CDH12: variants seen among roughly 807,000 people sequenced by gnomAD.
The protein encoded by CDH12 is cadherin 12.
In CDH12, 41 loss-of-function variants were observed where a neutral mutation model predicts 74.1. The ratio of observed to expected loss-of-function variants is 0.55; its 90% confidence interval spans 0.43 to 0.72. The LOEUF is 0.72. CDH12 is among the 30% of genes least tolerant of loss of function. The pLI is 0.00. For synonymous variants in CDH12, 399 were observed against 355.0 expected (o/e 1.12, Z -1.39); for missense variants, 945 against 977.2 (o/e 0.97, Z 0.44).
At chr5:21,869,824 AT>A (rs1460390765) in intron 6 of CDH12, among the ~76,000 whole-genome samples, 2 of 152,062 alleles carry the variant, frequency 1.3e-5, no homozygotes, top group African/African-American at 4.8e-5. Context: ...TAAGGGTTGG[AT>A]TTGTGATGGT....
At chr5:22,372,976 C>T (rs1741362587) in intron 3 of CDH12, among the ~76,000 whole-genome samples, 1 of 152,146 alleles carries the variant, frequency 6.6e-6, no homozygotes, top group Admixed American at 6.5e-5. Flanking sequence ...TGCAAGCAGC[C>T]CTGCCATCCC....
intron 4 of CDH12, among the ~76,000 whole-genome samples, chr5:22,093,695 G>A (rs1441820648): frequency 6.6e-6 from 1 of 152,070 alleles, no homozygotes; most frequent in Admixed American, 6.6e-5. Flanking sequence ...TCATATTGTG[G>A]TGATGGTTGC....
At chr5:22,583,249 A>G (rs544150414) in intron 1 of CDH12, among the ~76,000 whole-genome samples, 1 of 152,328 alleles carries the variant, frequency 6.6e-6, no homozygotes, top group African/African-American at 2.4e-5. Flanking sequence ...CAGTGAAGAC[A>G]TAGAAACTAT....
chr5:22,033,289 T>C (rs1223391662), intron 5 of CDH12, among the ~76,000 whole-genome samples: 3 of 152,188 alleles, frequency 2.0e-5, no homozygotes, highest in Non-Finnish European at 4.4e-5. Context: ...ATAAAATCTA[T>C]TGTCCAAGAT....
chr5:22,386,043 G>T (rs1040627759), intron 3 of CDH12, among the ~76,000 whole-genome samples: 5 of 151,842 alleles, frequency 3.3e-5, no homozygotes, highest in African/African-American at 1.2e-4. Context: ...CAGGCATGTG[G>T]CACCATGCTT....
intron 3 of CDH12, among the ~76,000 whole-genome samples, chr5:22,220,959 A>T (rs570865825): frequency 3.3e-5 from 5 of 151,636 alleles, no homozygotes; most frequent in Admixed American, 6.6e-5. Flanking sequence ...TACTGTGTAG[A>T]GTTATGGCTC....
At chr5:22,811,087 A>G (rs10072267) in intron 1 of CDH12, among the ~76,000 whole-genome samples, 2,110 of 151,884 alleles carry the variant, frequency 0.014, 49 homozygotes, top group African/African-American at 0.049. Context: ...ACATATATAC[A>G]CACGTATATG....
intron 6 of CDH12, among the ~76,000 whole-genome samples, chr5:21,907,289 G>C (rs1753683007): frequency 6.6e-6 from 1 of 152,150 alleles, no homozygotes. Flanking sequence ...GTGTGTACGG[G>C]GAGTGGGCAG....
intron 1 of CDH12, among the ~76,000 whole-genome samples, chr5:22,565,671 A>G (rs1739250774): frequency 6.6e-6 from 1 of 152,166 alleles, no homozygotes; most frequent in African/African-American, 2.4e-5. Context: ...CTATAATATT[A>G]TAACTCAATA....
chr5:21,882,542 A>C (rs922578082), intron 6 of CDH12: 9 of 1,130,306 alleles, frequency 8.0e-6, no homozygotes, highest in East Asian at 4.7e-5. Context: ...CTCGCCGCCG[A>C]CAACCTGTCT....
chr5:22,663,771 A>G (rs1212532483), intron 1 of CDH12, among the ~76,000 whole-genome samples: 3 of 152,148 alleles, frequency 2.0e-5, no homozygotes, highest in Admixed American at 2.0e-4. Flanking sequence ...CATTTCATTT[A>G]TGCAGATTTT....
intron 3 of CDH12, among the ~76,000 whole-genome samples, chr5:22,365,432 C>A (rs900707593): frequency 6.6e-6 from 1 of 152,112 alleles, no homozygotes; most frequent in African/African-American, 2.4e-5. Flanking sequence ...CTTCTAGATG[C>A]CCAGCTCCTG....
chr5:22,293,661 A>AT (rs1737500392), intron 3 of CDH12, among the ~76,000 whole-genome samples: 1 of 152,194 alleles, frequency 6.6e-6, no homozygotes, highest in Admixed American at 6.5e-5. Context: ...CTATTCAGCC[A>AT]TAAAAAAGAA....
intron 2 of CDH12, among the ~76,000 whole-genome samples, chr5:22,424,224 T>A (rs1219753565): frequency 6.6e-6 from 1 of 152,122 alleles, no homozygotes; most frequent in Admixed American, 6.6e-5. Flanking sequence ...GTGAATGGGA[T>A]CTTACTCTGT....
chr5:22,483,248 T>A (rs984361343), intron 2 of CDH12, among the ~76,000 whole-genome samples: 2 of 152,200 alleles, frequency 1.3e-5, no homozygotes, highest in East Asian at 1.9e-4. Context: ...CAAAAAATTT[T>A]AAGACACTTC....
intron 4 of CDH12, among the ~76,000 whole-genome samples, chr5:22,131,686 G>A (rs902284685): frequency 2.6e-5 from 4 of 152,122 alleles, no homozygotes; most frequent in African/African-American, 9.7e-5. Flanking sequence ...TAGAATGGAA[G>A]TATTTTTCTT....
chr5:22,656,803 G>A (rs2126891624), intron 1 of CDH12, among the ~76,000 whole-genome samples: 2 of 152,218 alleles, frequency 1.3e-5, no homozygotes, highest in Admixed American at 1.3e-4. Flanking sequence ...ATAGTAGACA[G>A]AATAAATACA....
rs147081035 is a variant in CDH12, at chr5:22,542,080, T to C, written c.-522-36716A>G. ...GGTACATGCATTAGAGGAATGACTA[T>C]AGCATTGCTTTTAAAAGATGGTATT... On this transcript the variant is annotated intron_variant, in intron 1 of 14. Transcript: ENST00000382254. Among the ~76,000 whole-genome samples, 367 of 152,328 alleles carry C rather than the reference T, an allele frequency of 2.4e-3. 3 individuals are homozygous for C. The highest frequency in any genetic ancestry group is 8.5e-3 in the African/African-American group (352 of 41,594).
At chr5:22,599,699 T>C (rs1322981529) in intron 1 of CDH12, among the ~76,000 whole-genome samples, 1 of 152,186 alleles carries the variant, frequency 6.6e-6, no homozygotes, top group East Asian at 1.9e-4. Context: ...GCTTCCAATT[T>C]AGACAAGGTG....
Sources: allele counts gnomAD v4.1 joint callset (sites outside exome capture counted in the v4.1 genomes callset), GRCh38; gene constraint gnomAD v4.1.1; transcripts MANE v1.5; gene names NCBI Gene and HGNC (gene_info 2026-07-23, HGNC 2026-07-21).